Variants in ADGRL3 observed in about 807,000 individuals in gnomAD.
ADGRL3 encodes calcium-independent alpha-latrotoxin receptor 3.
In ADGRL3, 62 loss-of-function variants were observed where a neutral mutation model predicts 153.5. The observed-to-expected ratio is 0.40, with a 90% confidence interval of 0.33 to 0.50. The LOEUF is 0.50. Among genes scored for constraint, ADGRL3 ranks in the 20% least tolerant of loss-of-function variants. ADGRL3 has a pLI of 0.47. For missense variants in ADGRL3, 1,641 were observed against 1,859.4 expected (o/e 0.88, Z 2.16); for synonymous variants, 710 against 672.5 (o/e 1.06, Z -0.86).
chr4:61,438,330 CT>C (rs33916204), intron 2 of ADGRL3, among the ~76,000 whole-genome samples: 28,878 of 151,008 alleles, frequency 0.19, 2,856 homozygotes, highest in Non-Finnish European at 0.21. Flanking sequence ...TATCTCCTTC[CT>C]TTTTTTATTT....
chr4:61,471,051 C>A (rs557841003), intron 2 of ADGRL3, among the ~76,000 whole-genome samples: 1 of 151,884 alleles, frequency 6.6e-6, no homozygotes, highest in Admixed American at 6.6e-5. Flanking sequence ...CATCCCTGAA[C>A]AATGTCTTTT....
Position 61,723,017 on chromosome 4 carries a change from G to A in ADGRL3, c.584-7605G>A, listed in dbSNP as rs534366698. 8.5e-5 allele frequency among the ~76,000 whole-genome samples: 13 copies of A among 152,174 alleles called. No individual in the cohort carries two copies. In the East Asian group the frequency reaches 2.3e-3, roughly 27 times the overall value. ...TAATAAGAATCAGTCAAAAATACAT[G>A]TCTTAGGAACAAATAGATGACATTT... On this transcript the variant is annotated intron_variant, in intron 6 of 26. Coordinates refer to ENST00000683033, the MANE Select transcript of ADGRL3 (RefSeq NM_001387552.1).
intron 8 of ADGRL3, among the ~76,000 whole-genome samples, chr4:61,759,945 CT>C (rs1462647721): frequency 6.6e-6 from 1 of 152,196 alleles, no homozygotes; most frequent in Non-Finnish European, 1.5e-5. Context: ...GCTCCAGACC[CT>C]GTTTGCCTGG....
chr4:61,376,392 G>GT (rs34714371), intron 1 of ADGRL3, among the ~76,000 whole-genome samples: 30,609 of 149,150 alleles, frequency 0.21, 3,786 homozygotes, highest in Non-Finnish European at 0.27. Flanking sequence ...GTTAAATGCT[G>GT]TTTTTTTTTT....
At chr4:61,616,081 C>A (rs1283856288) in intron 5 of ADGRL3, among the ~76,000 whole-genome samples, 1 of 151,964 alleles carries the variant, frequency 6.6e-6, no homozygotes, top group African/African-American at 2.4e-5. Context: ...GACAGACAGA[C>A]AATAGTCCAA....
intron 1 of ADGRL3, among the ~76,000 whole-genome samples, chr4:61,328,593 A>T (rs1050247342): frequency 3.9e-5 from 6 of 152,194 alleles, no homozygotes; most frequent in Non-Finnish European, 7.3e-5. Flanking sequence ...TTTTAAACAT[A>T]TGCATTTATT....
chr4:61,379,638 C>A (rs759069486), intron 1 of ADGRL3, among the ~76,000 whole-genome samples: 17 of 151,940 alleles, frequency 1.1e-4, no homozygotes, highest in Admixed American at 2.6e-4. Flanking sequence ...GACTCATGAA[C>A]CCTGACTGGA....
At chr4:61,503,094 G>T (rs1460991593) in intron 3 of ADGRL3, among the ~76,000 whole-genome samples, 5 of 152,162 alleles carry the variant, frequency 3.3e-5, no homozygotes, top group Non-Finnish European at 2.9e-5. Context: ...TAACTGCTCA[G>T]TCGCTAATAC....
At chr4:61,431,966 G>A (rs2097361146) in intron 2 of ADGRL3, among the ~76,000 whole-genome samples, 1 of 152,080 alleles carries the variant, frequency 6.6e-6, no homozygotes. Context: ...AATATATATT[G>A]TGTTCAGCAA....
rs778720002 is a variant in ADGRL3 at position 61,432,568 on chromosome 4, C to CTTTCTTTCTTTCTTTT, written c.-174+49380_-174+49381insTTCTTTCTTTCTTTTT. ...TAGCCTTTATAGATTTCTTTTCTTT[C>CTTTCTTTCTTTCTTTT]TCTTCCTTTCTTTCTTTCTTTCTTT... On this transcript the variant is annotated intron_variant, in intron 2 of 26. Coordinates refer to ENST00000683033, the MANE Select transcript of ADGRL3 (RefSeq NM_001387552.1). Among the ~76,000 whole-genome samples the CTTTCTTTCTTTCTTTT allele has an allele frequency of 8.1e-4, 31 of 38,382 alleles. 1 individual carries two copies. Among genetic ancestry groups the CTTTCTTTCTTTCTTTT allele is most frequent in the Admixed American group, 2.0e-3 (6 of 2,934 alleles). 25.2% of individuals were successfully genotyped at this position (38,382 alleles called of 152,430 possible).
At chr4:61,538,654 C>T (rs1338863762) in intron 4 of ADGRL3, among the ~76,000 whole-genome samples, 1 of 152,032 alleles carries the variant, frequency 6.6e-6, no homozygotes, top group African/African-American at 2.4e-5. Flanking sequence ...GTTGGTCAGG[C>T]TGGTCTCGAA....
intron 2 of ADGRL3, among the ~76,000 whole-genome samples, chr4:61,393,014 A>AT (rs2096831453): frequency 6.6e-6 from 1 of 152,016 alleles, no homozygotes; most frequent in South Asian, 2.1e-4. Context: ...TGTGGTTCCT[A>AT]TTAGGAAGAA....
At chr4:61,853,679 A>G (rs528571497) in intron 9 of ADGRL3, among the ~76,000 whole-genome samples, 4 of 152,304 alleles carry the variant, frequency 2.6e-5, no homozygotes, top group Admixed American at 6.5e-5. Context: ...GTGTTACCTG[A>G]AAGCTACCTT....
At chr4:61,228,505 T>C (rs1381777503) in intron 1 of ADGRL3, among the ~76,000 whole-genome samples, 5 of 152,174 alleles carry the variant, frequency 3.3e-5, no homozygotes, top group Admixed American at 6.6e-5. Context: ...CAATAACCAC[T>C]ATTTATATAG....
intron 1 of ADGRL3, among the ~76,000 whole-genome samples, chr4:61,348,415 A>G (rs1319762893): frequency 6.6e-6 from 1 of 152,010 alleles, no homozygotes; most frequent in Non-Finnish European, 1.5e-5. Context: ...GAATACTTCA[A>G]TGAGATCACG....
intron 3 of ADGRL3, among the ~76,000 whole-genome samples, chr4:61,508,953 T>C (rs1444861075): frequency 2.0e-5 from 3 of 151,994 alleles, no homozygotes; most frequent in Non-Finnish European, 2.9e-5. Flanking sequence ...AAACCCCTGA[T>C]AAAACCATCA....
intron 5 of ADGRL3, among the ~76,000 whole-genome samples, chr4:61,621,535 G>A (rs949979302): frequency 1.3e-5 from 2 of 152,044 alleles, no homozygotes; most frequent in African/African-American, 4.8e-5. Context: ...ATTAATGAAT[G>A]TTTAGTGTTG....
At chr4:61,778,293 G>A (rs982067819) in intron 8 of ADGRL3, among the ~76,000 whole-genome samples, 2 of 152,066 alleles carry the variant, frequency 1.3e-5, no homozygotes, top group African/African-American at 4.8e-5. Flanking sequence ...AATGCTTCTG[G>A]TCCCACACAT....
At chr4:61,727,208 C>T (rs901304334) in intron 6 of ADGRL3, among the ~76,000 whole-genome samples, 1 of 152,168 alleles carries the variant, frequency 6.6e-6, no homozygotes, top group South Asian at 2.1e-4. Flanking sequence ...ATTTACTAGT[C>T]ATTTTTACCT....
Sources: gnomAD v4.1 joint callset for allele counts (sites outside exome capture counted in the v4.1 genomes callset) on GRCh38, gnomAD v4.1.1 for gene constraint, MANE v1.5 for transcripts, NCBI Gene and HGNC (gene_info 2026-07-23, HGNC 2026-07-21) for gene names.